Variants in SF1 observed in about 807,000 individuals in gnomAD.
The protein encoded by SF1 is branch point-binding protein.
Under a neutral mutation model 62.5 loss-of-function variants are expected in SF1, and 7 were observed. The observed-to-expected ratio is 0.11, with a 90% CI of 0.06 to 0.21. The LOEUF (loss-of-function observed/expected upper bound fraction) is 0.21, where lower values mean the gene tolerates loss of function less well. Among genes scored for constraint, SF1 ranks in the 10% least tolerant of loss-of-function variants. The probability of loss-of-function intolerance (pLI) is 1.00; values close to 1 mark genes in which losing one functional copy is unlikely to be tolerated. For synonymous variants in SF1, 394 were observed against 323.6 expected, an observed-to-expected ratio of 1.22 and a Z score of -2.33; for missense variants, 578 against 884.0, an observed-to-expected ratio of 0.65 and a Z score of 4.39.
In SF1 at chr11:64,769,235, T is replaced by G; in HGVS notation, c.767A>C (p.Glu256Ala). Reference sequence around the variant, plus strand: ...ACTGATCACATACCTGTTATCGTCTTCCCGAAGGGTCCCATTTAAGCGAGC... The same window carrying G: ...ACTGATCACATACCTGTTATCGTCTGCCCGAAGGGTCCCATTTAAGCGAGC... The part of the protein sequence containing the change: ...ELARLNGTLR[E>A]DDNRILRPWQ... Residue 256 changes from glutamate to alanine, a missense_variant, in exon 7 of 13, where the codon GAA becomes GCA. Glu to Ala is a moderately radical substitution (Grantham distance 107). Transcript: ENST00000377390. The G allele has an allele frequency of 6.2e-7, 1 of 1,614,142 alleles. No individual in the cohort carries two copies. Among genetic ancestry groups the G allele is most frequent in the South Asian group, 1.1e-5 (1 of 91,082 alleles).
At chr11:64,768,941 T>C in intron 8 of SF1, 81 bp downstream of exon 8, 1 of 921,146 alleles carries the variant, frequency 1.1e-6, no homozygotes, top group Non-Finnish European at 1.8e-6. Flanking sequence ...TTGGTAAGAT[T>C]AACAGCAACC....
chr11:64,776,806 G>A (rs1200131970), intron 1 of SF1, among the ~76,000 whole-genome samples, 180 bp from the exon 2 acceptor site: 5 of 151,994 alleles, frequency 3.3e-5, no homozygotes, highest in African/African-American at 1.2e-4. Context: ...AAAGCTTATG[G>A]CCACTACAAG....
At chr11:64,774,692 G>A (rs2135961573) in intron 2 of SF1, among the ~76,000 whole-genome samples, 1 of 152,266 alleles carries the variant, frequency 6.6e-6, no homozygotes, top group East Asian at 1.9e-4. Flanking sequence ...GGGCACAGTG[G>A]CTCACACCTG....
chr11:64,767,034 G>T lies in SF1; in HGVS notation c.1448C>A (p.Pro483Gln). ...GGGTGGGGGCTGCCCACTGGGAGGC[G>T]GCGGCGGCGGCGGCATCATGCCCAT... Reference protein sequence around the residue: ...PPMGMMPPPPPPPSGQPPPPP... With the variant: ...PPMGMMPPPPQPPSGQPPPPP... Residue 483 changes from proline to glutamine, a missense_variant, in exon 12 of 13, where the codon CCG (proline) becomes CAG (glutamine). Pro to Gln is a moderately conservative substitution (Grantham distance 76, BLOSUM62 -1). Transcript: ENST00000377390. 1.3e-6 allele frequency: 2 copies of T among 1,548,780 alleles called. No homozygotes were observed. Among genetic ancestry groups the T allele is most frequent in the Non-Finnish European group, 1.7e-6 (2 of 1,145,708 alleles).
chr11:64,776,904 G>A (rs1215467288), intron 1 of SF1, among the ~76,000 whole-genome samples: 2 of 152,190 alleles, frequency 1.3e-5, no homozygotes, highest in African/African-American at 4.8e-5. Flanking sequence ...TAATCTTAAT[G>A]CATATGGCTG....
intron 3 of SF1, among the ~76,000 whole-genome samples, chr11:64,770,959 C>T (rs957946652): frequency 7.9e-5 from 12 of 152,184 alleles, no homozygotes. Context: ...AGAGATGGTT[C>T]GCTTCGTCTT....
rs2058567078 is a variant in SF1, at chr11:64,765,335, TA to T, written c.*482del. 1 of 711,614 alleles carries T rather than the reference TA, an allele frequency of 1.4e-6. No homozygotes were observed. Among genetic ancestry groups the T allele is most frequent in the South Asian group, 1.8e-5 (1 of 56,254 alleles). 44.1% of individuals were successfully genotyped at this position (711,614 alleles called of 1,614,324 possible). On this transcript the variant is annotated 3_prime_UTR_variant, in exon 13 of 13. Coordinates refer to ENST00000377390, the MANE Select transcript of SF1 (RefSeq NM_004630.4). Reference sequence around the variant, plus strand: ...AACAAAGGAAAAAGAAAAAAATTAATAAAAATTTCACGATATGGAGCCAGCG... The same window carrying T: ...AACAAAGGAAAAAGAAAAAAATTAATAAAATTTCACGATATGGAGCCAGCG...
At position 64,777,989 on chromosome 11, in the gene SF1, C is replaced by A. The variant is rs978927389; in HGVS notation, c.31+373G>T. 3 of 996,402 alleles carry A rather than the reference C, an allele frequency of 3.0e-6. No individual in the cohort carries two copies. In the African/African-American group the frequency reaches 5.3e-5, roughly 17 times the overall value. The allele number at this position is 996,402 out of a possible 1,614,324, so 61.7% of individuals were successfully genotyped here. A position where few individuals can be genotyped will look rare whatever the true frequency, so the allele number is the denominator to read the frequency against. Reference sequence around the variant, plus strand: ...CGCGCTCTCTCGGCCCGACTCACCTCCTCCGCCGCCGGCCGGGCCCGGCTG... The same window carrying A: ...CGCGCTCTCTCGGCCCGACTCACCTACTCCGCCGCCGGCCGGGCCCGGCTG... On this transcript the variant is annotated intron_variant, in intron 1 of 12. Transcript: ENST00000377390.
chr11:64,773,182 ACCAATTGGAAACCAGTTGTCCATTTTCC>A, intron 3 of SF1: 1 of 1,332,308 alleles, frequency 7.5e-7, no homozygotes, highest in Admixed American at 3.7e-5. Flanking sequence ...CTACATGCTT[ACCAATTGGAAACCAGTTGTCCATTTTCC>A]TGTAACTTTT....
At chr11:64,769,393 CTAG>C (rs751745205) in intron 6 of SF1, 30 bp downstream of exon 6, 2 of 1,613,466 alleles carry the variant, frequency 1.2e-6, no homozygotes, top group East Asian at 4.5e-5. Flanking sequence ...TAGGTTTCTG[CTAG>C]GAGGCTTCCT....
At chr11:64,777,461 G>A (rs1231550276) in intron 1 of SF1, 3 of 978,700 alleles carry the variant, frequency 3.1e-6, no homozygotes, top group African/African-American at 1.8e-5. Context: ...AAGAGACCAA[G>A]AAAGATCAGA....
intron 12 of SF1, 139 bp from the exon 13 acceptor site, chr11:64,766,294 G>GGGGGGGGGGGGGGCCCCCCCCCC: frequency 1.2e-5 from 1 of 85,182 alleles, no homozygotes; most frequent in Non-Finnish European, 2.3e-5. Flanking sequence ...GGTGGGCGGG[G>GGGGGGGGGGGGGGCCCCCCCCCC]CTGGTGATGG....
intron 3 of SF1, chr11:64,771,911 A>C (rs1341766430): frequency 1.0e-6 from 1 of 985,318 alleles, no homozygotes; most frequent in East Asian, 1.1e-4. Context: ...TTCAAAACTG[A>C]ATAGAAGGGA....
At chr11:64,767,505 A>G in intron 10 of SF1, 66 bp downstream of exon 10, 1 of 1,468,212 alleles carries the variant, frequency 6.8e-7, no homozygotes, top group Admixed American at 2.2e-5. Context: ...TCTAGCCAAC[A>G]GCGACCTGAC....
chr11:64,773,081 T>C lies in SF1; in HGVS notation c.236+349A>G, dbSNP rs41323046. On this transcript the variant is annotated intron_variant, in intron 3 of 12. Coordinates refer to ENST00000377390, the MANE Select transcript of SF1 (RefSeq NM_004630.4). ...CTGTGTACCTGTGAGAAAAACTCTA[T>C]GCCCTGGGCTTTTGGCCAAAGCAGG... The C allele has an allele frequency of 9.0e-3, 10,194 of 1,136,928 alleles. 706 individuals are homozygous for C. The African/African-American group carries it at 0.15, about 17-fold the overall frequency. The allele number at this position is 1,136,928 out of a possible 1,614,324, so 70.4% of individuals were successfully genotyped here.
intron 12 of SF1, chr11:64,766,594 C>T (rs924766916): frequency 4.8e-6 from 2 of 414,616 alleles, no homozygotes; most frequent in Non-Finnish European, 8.6e-6. Context: ...CCATATGCAC[C>T]AGGCTCAGTC....
chr11:64,772,503 A>AG, intron 3 of SF1: 3 of 985,020 alleles, frequency 3.0e-6, no homozygotes, highest in Non-Finnish European at 1.2e-6. Flanking sequence ...AGTGACTTCT[A>AG]AAGCCATTAC....
At position 64,767,863 on chromosome 11, in the gene SF1, T is replaced by C. The variant is rs1177501134; in HGVS notation, c.1069-19A>G. Reference sequence around the variant, plus strand: ...TGAGAGACTACGTGAGAGCATTTCCTGCCAACGTCCCTGCCTGCGCCTCCT... The same window carrying C: ...TGAGAGACTACGTGAGAGCATTTCCCGCCAACGTCCCTGCCTGCGCCTCCT... On this transcript the variant is annotated intron_variant, in intron 9 of 12. Coordinates refer to ENST00000377390, the MANE Select transcript of SF1 (RefSeq NM_004630.4). The C allele has an allele frequency of 6.2e-7, 1 of 1,603,994 alleles. No homozygotes were observed. The highest frequency in any genetic ancestry group is 1.1e-5 in the South Asian group (1 of 89,754).
At chr11:64,778,038 G>T in intron 1 of SF1, 1 of 1,011,572 alleles carries the variant, frequency 9.9e-7, no homozygotes. Context: ...GGCGGCTGGG[G>T]TGGCGGCGGC....
Sources: allele counts gnomAD v4.1 joint callset (sites outside exome capture counted in the v4.1 genomes callset), GRCh38; gene constraint gnomAD v4.1.1; transcripts MANE v1.5; gene names NCBI Gene and HGNC (gene_info 2026-07-23, HGNC 2026-07-21).